The following ZNF438 variants were observed in gnomAD, a reference collection of about 807,000 sequenced individuals.
The protein encoded by ZNF438 is zinc finger protein 438.
A neutral mutation model predicts 38.0 loss-of-function variants in ZNF438; 25 were observed. The ratio of observed to expected loss-of-function variants is 0.66; its 90% CI spans 0.48 to 0.92. ZNF438 has a LOEUF of 0.92. Ranked by LOEUF, ZNF438 falls within the 40% of genes least tolerant of loss-of-function variation. The probability of loss-of-function intolerance (pLI) is 0.00; values close to 1 mark genes in which losing one functional copy is unlikely to be tolerated. For synonymous variants in ZNF438, 372 were observed against 364.1 expected, an observed-to-expected ratio of 1.02 and a Z score of -0.25; for missense variants, 1,007 against 999.6, an observed-to-expected ratio of 1.01 and a Z score of -0.10.
At position 30,912,621 on chromosome 10, in the gene ZNF438, G is replaced by C. The variant is rs147568292; in HGVS notation, c.-114-3606C>G. ...TATCTGTCTACACAGGCAGCATACAGAATGATAAGGTGCATGGGCTCTGGA... is the reference window on the plus strand; with the variant it reads ...TATCTGTCTACACAGGCAGCATACACAATGATAAGGTGCATGGGCTCTGGA... On this transcript the variant is annotated intron_variant, in intron 2 of 5. Coordinates refer to ENST00000413025, the Ensembl canonical transcript of ZNF438. 1.4e-3 allele frequency among the ~76,000 whole-genome samples: 220 copies of C among 152,234 alleles called. 1 individual carries two copies. The highest frequency in any genetic ancestry group is 4.8e-3 in the African/African-American group (201 of 41,514).
intron 1 of ZNF438, among the ~76,000 whole-genome samples, chr10:30,971,363 T>C (rs1238620725): frequency 6.6e-6 from 1 of 152,166 alleles, no homozygotes; most frequent in Non-Finnish European, 1.5e-5. Context: ...GCAATCAACA[T>C]TCTGTGTTTA....
exon 6 of ZNF438, chr10:30,845,504 T>C (rs1463766837): frequency 6.2e-7 from 1 of 1,613,952 alleles, no homozygotes; most frequent in South Asian, 1.1e-5. Flanking sequence ...AACGACCACA[T>C]TTGATTTGTA....
chr10:30,906,662 C>G (rs2042617866), intron 3 of ZNF438, among the ~76,000 whole-genome samples: 1 of 152,184 alleles, frequency 6.6e-6, no homozygotes. Context: ...AGAGGGCACA[C>G]TTTCAGTTTT....
At chr10:31,001,694 A>G (rs1301898364) in intron 1 of ZNF438, among the ~76,000 whole-genome samples, 4 of 152,064 alleles carry the variant, frequency 2.6e-5, no homozygotes, top group Non-Finnish European at 5.9e-5. Flanking sequence ...TTTTGCCATA[A>G]GTTACACTTA....
At chr10:31,022,681 ATTC>A (rs753484119) in intron 1 of ZNF438, among the ~76,000 whole-genome samples, 7 of 152,120 alleles carry the variant, frequency 4.6e-5, no homozygotes, top group Non-Finnish European at 1.0e-4. Context: ...AAAGGGCCCA[ATTC>A]TTCTTCATGA....
At chr10:30,989,969 G>GTTTAA (rs2053295688) in intron 1 of ZNF438, among the ~76,000 whole-genome samples, 1 of 152,176 alleles carries the variant, frequency 6.6e-6, no homozygotes, top group Non-Finnish European at 1.5e-5. Flanking sequence ...TAAACAGTAG[G>GTTTAA]GCTTCTAAGA....
At chr10:30,980,512 G>C (rs2052002515) in intron 1 of ZNF438, among the ~76,000 whole-genome samples, 1 of 152,156 alleles carries the variant, frequency 6.6e-6, no homozygotes, top group Admixed American at 6.5e-5. Flanking sequence ...TTGAGTTTTT[G>C]GCCTGGAACA....
intron 2 of ZNF438, among the ~76,000 whole-genome samples, chr10:30,924,776 G>C (rs1402890895): frequency 6.6e-6 from 1 of 152,168 alleles, no homozygotes; most frequent in Non-Finnish European, 1.5e-5. Flanking sequence ...AATTGGTTAA[G>C]AGATATGGCT....
chr10:30,930,165 G>T lies in ZNF438; in HGVS notation c.-115+11410C>A, dbSNP rs551101878. 9.4e-4 allele frequency among the ~76,000 whole-genome samples: 142 copies of T among 151,534 alleles called. 1 individual carries two copies. The highest frequency in any genetic ancestry group is 7.7e-3 in the Admixed American group (117 of 15,196). On this transcript the variant is annotated intron_variant, in intron 2 of 5. Transcript: ENST00000413025. ...GAGCCCATTTGGTGGGGGCGGGGGTGGGGGGGGAGTGCGGGGCTCAGGCAT... is the reference window on the plus strand; with the variant it reads ...GAGCCCATTTGGTGGGGGCGGGGGTTGGGGGGGAGTGCGGGGCTCAGGCAT...
At chr10:30,924,352 C>T (rs573995597) in intron 2 of ZNF438, among the ~76,000 whole-genome samples, 2 of 152,266 alleles carry the variant, frequency 1.3e-5, no homozygotes, top group South Asian at 4.1e-4. Context: ...GCTTACATAC[C>T]AGGGAAGAAA....
intron 1 of ZNF438, among the ~76,000 whole-genome samples, chr10:30,984,993 T>C (rs866170858): frequency 2.0e-5 from 3 of 152,212 alleles, no homozygotes; most frequent in Non-Finnish European, 2.9e-5. Context: ...AAGACTTACT[T>C]GTACTTTTAG....
At chr10:30,943,493 C>A (rs187669288) in intron 1 of ZNF438, among the ~76,000 whole-genome samples, 2 of 152,034 alleles carry the variant, frequency 1.3e-5, no homozygotes, top group Admixed American at 1.3e-4. Context: ...AAAAGAGGGG[C>A]TTTTAGTATT....
chr10:30,861,355 A>T (rs2035551231), intron 4 of ZNF438, among the ~76,000 whole-genome samples: 1 of 152,076 alleles, frequency 6.6e-6, no homozygotes, highest in African/African-American at 2.4e-5. Flanking sequence ...GCAGTTCGAA[A>T]TTTTTTTTCA....
intron 1 of ZNF438, among the ~76,000 whole-genome samples, chr10:30,994,756 C>T (rs888055632): frequency 1.3e-5 from 2 of 152,208 alleles, no homozygotes; most frequent in African/African-American, 4.8e-5. Context: ...TGAGGCTAGG[C>T]ATGGCGGCTC....
At chr10:30,960,110 GCTCA>G (rs1214545516) in intron 1 of ZNF438, among the ~76,000 whole-genome samples, 2 of 146,742 alleles carry the variant, frequency 1.4e-5, no homozygotes, top group African/African-American at 4.9e-5. Flanking sequence ...CTGTTCTTTT[GCTCA>G]CTGTTAAGTT....
intron 1 of ZNF438, among the ~76,000 whole-genome samples, chr10:31,020,942 A>C (rs2056548285): frequency 6.6e-6 from 1 of 151,978 alleles, no homozygotes; most frequent in Non-Finnish European, 1.5e-5. Context: ...TATCTAAATC[A>C]CACATAGTTT....
chr10:30,905,919 CT>C (rs1454136997), intron 3 of ZNF438, among the ~76,000 whole-genome samples: 16 of 152,154 alleles, frequency 1.1e-4, no homozygotes, highest in African/African-American at 3.4e-4. Context: ...TTCCATTGAT[CT>C]GTATGTCTAT....
chr10:31,004,074 T>C (rs1003171914), intron 1 of ZNF438, among the ~76,000 whole-genome samples: 3 of 152,278 alleles, frequency 2.0e-5, no homozygotes, highest in Admixed American at 2.0e-4. Flanking sequence ...GGTGATTTTA[T>C]GCACCCAGGA....
At chr10:30,850,011 C>T in exon 5 of ZNF438, 2 of 1,614,068 alleles carry the variant, frequency 1.2e-6, no homozygotes, top group South Asian at 1.1e-5. Context: ...TTTCTTGATG[C>T]TTTGCTATTT....
Sources: gnomAD v4.1 joint callset for allele counts (sites outside exome capture counted in the v4.1 genomes callset) on GRCh38, gnomAD v4.1.1 for gene constraint, MANE v1.5 for transcripts, NCBI Gene and HGNC (gene_info 2026-07-23, HGNC 2026-07-21) for gene names.